The following ZNF487 variants were observed in gnomAD, a reference collection of about 807,000 sequenced individuals.
ZNF487 encodes zinc finger protein 487.
In ZNF487, 4 loss-of-function variants were observed where a neutral mutation model predicts 3.0. That is an observed-to-expected ratio of 1.35 (90% CI 0.66 to 3.08). The LOEUF is 3.08. Ranked by LOEUF, ZNF487 falls within the 30% of genes most tolerant of loss-of-function variation. ZNF487 has a pLI of 0.01. For synonymous variants in ZNF487, 55 were observed against 34.6 expected (o/e 1.59, Z -2.06); for missense variants, 146 against 98.7 (o/e 1.48, Z -2.03).
At position 43,482,662 on chromosome 10, in the gene ZNF487, A is replaced by AT. The variant is rs1442271950; in HGVS notation, c.*741dup. On this transcript the variant is annotated 3_prime_UTR_variant, in exon 4 of 4. Coordinates refer to ENST00000437590, the MANE Select transcript of ZNF487 (RefSeq NM_001355444.3). ...AGAATACATACTGGCGAGAAACCCT[A>AT]TGAGTGTAAGGAATGTGGGAAAACT... 4.1e-6 allele frequency: 2 copies of AT among 490,282 alleles called. No homozygotes were observed. The highest frequency in any genetic ancestry group is 3.9e-5 in the African/African-American group (2 of 50,648). The allele number at this position is 490,282 out of a possible 1,614,324, so 30.4% of individuals were successfully genotyped here.
the ZNF487 span, among the ~76,000 whole-genome samples, chr10:43,511,357 A>C: frequency 1.3e-5 from 2 of 152,148 alleles, no homozygotes; most frequent in African/African-American, 4.8e-5. Context: ...TGGTTAGAGG[A>C]CGTGCTGTGT....
the ZNF487 span, among the ~76,000 whole-genome samples, chr10:43,516,748 A>C: frequency 6.6e-6 from 1 of 152,178 alleles, no homozygotes; most frequent in African/African-American, 2.4e-5. Flanking sequence ...ACCCAGATTA[A>C]AGGTGTGTCT....
chr10:43,439,954 A>G (rs1839533058), intron 1 of ZNF487, among the ~76,000 whole-genome samples: 2 of 152,208 alleles, frequency 1.3e-5, no homozygotes, highest in African/African-American at 4.8e-5. Flanking sequence ...CAAGATGAAA[A>G]TGTTCTAGAG....
chr10:43,517,303 T>C, the ZNF487 span, among the ~76,000 whole-genome samples: 2 of 152,262 alleles, frequency 1.3e-5, no homozygotes, highest in Non-Finnish European at 2.9e-5. Context: ...TATCTTTCAG[T>C]CCTCTTTGAG....
intron 1 of ZNF487, among the ~76,000 whole-genome samples, chr10:43,471,800 GTGTGTGCTCAT>G (rs761760919): frequency 1.3e-5 from 2 of 152,168 alleles, no homozygotes; most frequent in Admixed American, 6.6e-5. Flanking sequence ...AGAATGGACA[GTGTGTGCTCAT>G]TGGTTTGTGA....
At chr10:43,461,574 G>C (rs1240012335) in intron 1 of ZNF487, among the ~76,000 whole-genome samples, 1 of 152,066 alleles carries the variant, frequency 6.6e-6, no homozygotes, top group East Asian at 1.9e-4. Flanking sequence ...TCCTGTCTTG[G>C]CCTCCCAAAA....
intron 1 of ZNF487, among the ~76,000 whole-genome samples, chr10:43,460,894 A>G (rs1263989315): frequency 6.6e-6 from 1 of 151,086 alleles, no homozygotes; most frequent in Admixed American, 6.6e-5. Flanking sequence ...GTTTCACCAT[A>G]TTGGCCTGGC....
At chr10:43,455,720 G>T (rs1273892266) in intron 1 of ZNF487, among the ~76,000 whole-genome samples, 1 of 152,208 alleles carries the variant, frequency 6.6e-6, no homozygotes, top group Non-Finnish European at 1.5e-5. Flanking sequence ...TCGCCTCTGG[G>T]GTCAAAGAGC....
At chr10:43,497,773 C>T in the ZNF487 span, among the ~76,000 whole-genome samples, 1 of 151,756 alleles carries the variant, frequency 6.6e-6, no homozygotes, top group Non-Finnish European at 1.5e-5. Context: ...CGAGACCATC[C>T]TGGCCAACAC....
the ZNF487 span, among the ~76,000 whole-genome samples, chr10:43,491,193 C>T: frequency 9.9e-5 from 15 of 151,346 alleles, no homozygotes; most frequent in East Asian, 3.9e-4. Context: ...AGGATGGTCT[C>T]AAACTCCTCA....
chr10:43,489,998 A>G, the ZNF487 span, among the ~76,000 whole-genome samples: 1 of 152,224 alleles, frequency 6.6e-6, no homozygotes, highest in Non-Finnish European at 1.5e-5. Context: ...AGCAATGCCC[A>G]TTTATATACT....
At chr10:43,496,947 C>A in the ZNF487 span, among the ~76,000 whole-genome samples, 1 of 152,088 alleles carries the variant, frequency 6.6e-6, no homozygotes, top group South Asian at 2.1e-4. Context: ...GTAAAAGTGG[C>A]CTAGAATAAT....
chr10:43,457,284 G>T (rs1228553891), intron 1 of ZNF487, among the ~76,000 whole-genome samples: 1 of 151,600 alleles, frequency 6.6e-6, no homozygotes, highest in East Asian at 1.9e-4. Context: ...AAACCCTAGC[G>T]CGGTGGCTAA....
intron 1 of ZNF487, among the ~76,000 whole-genome samples, chr10:43,458,479 C>CTTT (rs1840302868): frequency 6.6e-6 from 1 of 152,142 alleles, no homozygotes; most frequent in South Asian, 2.1e-4. Flanking sequence ...AGAGGGGTAA[C>CTTT]TTTAAATAGA....
the ZNF487 span, among the ~76,000 whole-genome samples, chr10:43,518,110 C>T: frequency 6.6e-6 from 1 of 152,188 alleles, no homozygotes; most frequent in Non-Finnish European, 1.5e-5. Flanking sequence ...CTGGGAATCT[C>T]TTGCCTCACA....
In ZNF487 at chr10:43,476,812, C is replaced by G. The variant is rs74137738; in HGVS notation, c.130+610C>G. ...GTGGAAGTCAAGGGGTGATGGGGAG[C>G]ATGTGAGAGATGCTGTCAGAGAGAC... On this transcript the variant is annotated intron_variant, in intron 3 of 3. Transcript: ENST00000437590. 6.1e-3 allele frequency among the ~76,000 whole-genome samples: 927 copies of G among 152,232 alleles called. 9 individuals are homozygous for G. The highest frequency in any genetic ancestry group is 0.018 in the African/African-American group (734 of 41,536).
At chr10:43,440,293 G>A (rs1392425494) in intron 1 of ZNF487, among the ~76,000 whole-genome samples, 2 of 151,510 alleles carry the variant, frequency 1.3e-5, no homozygotes, top group African/African-American at 2.4e-5. Flanking sequence ...CAGGTAATAC[G>A]CCCGCCTCGG....
chr10:43,475,704 C>A lies in ZNF487; in HGVS notation c.-93-17C>A, dbSNP rs1455698563. On this transcript the variant is annotated splice_polypyrimidine_tract_variant and intron_variant, in intron 1 of 3. Transcript: ENST00000437590. Reference sequence around the variant, plus strand: ...ACTTCTGATCACTGTAGAATGAAAACAAATGTACTGTTCTAGGGATCAGTG... The same window carrying A: ...ACTTCTGATCACTGTAGAATGAAAAAAAATGTACTGTTCTAGGGATCAGTG... The A allele has an allele frequency of 1.3e-6, 1 of 778,836 alleles. No homozygotes were observed. Among genetic ancestry groups the A allele is most frequent in the Admixed American group, 1.7e-5 (1 of 58,496 alleles). The allele number at this position is 778,836 out of a possible 1,614,324, so 48.2% of individuals were successfully genotyped here.
the ZNF487 span, among the ~76,000 whole-genome samples, chr10:43,509,683 G>A: frequency 4.0e-5 from 6 of 151,846 alleles, no homozygotes; most frequent in African/African-American, 7.3e-5. Flanking sequence ...CTCTTTTCAC[G>A]TATTTCTGCC....
Sources: allele counts gnomAD v4.1 joint callset (sites outside exome capture counted in the v4.1 genomes callset), GRCh38; gene constraint gnomAD v4.1.1; transcripts MANE v1.5; gene names NCBI Gene and HGNC (gene_info 2026-07-23, HGNC 2026-07-21).